Variants in SLC14A2 observed in about 807,000 individuals in gnomAD.
The protein encoded by SLC14A2 is urea transporter 2.
In SLC14A2, 91 loss-of-function variants were observed where a neutral mutation model predicts 104.6. The observed-to-expected ratio is 0.87, with a 90% CI of 0.73 to 1.04. SLC14A2 has a LOEUF of 1.04. SLC14A2 is among the 50% of genes least tolerant of loss of function. The pLI is 0.00. For synonymous variants in SLC14A2, 476 were observed against 466.4 expected (o/e 1.02, Z -0.27); for missense variants, 1,189 against 1,156.0 (o/e 1.03, Z -0.41).
chr18:45,393,949 G>A (rs1348470808), intron 1 of SLC14A2, among the ~76,000 whole-genome samples: 2 of 152,202 alleles, frequency 1.3e-5, no homozygotes, highest in South Asian at 2.1e-4. Context: ...AAGTGATGGA[G>A]ATGGGATCCA....
intron 1 of SLC14A2, among the ~76,000 whole-genome samples, chr18:45,252,755 A>C (rs1028869178): frequency 2.0e-5 from 3 of 149,040 alleles, no homozygotes; most frequent in Non-Finnish European, 4.5e-5. Flanking sequence ...TTCACTTCTA[A>C]TTTTACTTTG....
At chr18:45,565,517 G>T (rs1436042981) in intron 2 of SLC14A2, among the ~76,000 whole-genome samples, 1 of 152,204 alleles carries the variant, frequency 6.6e-6, no homozygotes, top group Non-Finnish European at 1.5e-5. Context: ...GGAAGGGATT[G>T]TCATGAAGTC....
chr18:45,230,565 TC>T (rs1349442675), intron 1 of SLC14A2, among the ~76,000 whole-genome samples: 1 of 152,086 alleles, frequency 6.6e-6, no homozygotes, highest in Non-Finnish European at 1.5e-5. Flanking sequence ...TCCAAAAAAA[TC>T]CCCCCAACTC....
chr18:45,682,865 C>T lies in SLC14A2; in HGVS notation c.*346C>T, dbSNP rs900281221. 24 of 249,868 alleles carry T rather than the reference C, an allele frequency of 9.6e-5. No homozygotes were observed. Among genetic ancestry groups the T allele is most frequent in the African/African-American group, 3.1e-4 (14 of 45,460 alleles). The allele number at this position is 249,868 out of a possible 1,614,324, so 15.5% of individuals were successfully genotyped here. A position where few individuals can be genotyped will look rare whatever the true frequency, so the allele number is the denominator to read the frequency against. ...ATCCCAGCACTTTGGGAGGCCGAGG[C>T]GGGTGGATCACGAGGTCAGGAGATC... On this transcript the variant is annotated 3_prime_UTR_variant, in exon 20 of 20. Transcript: ENST00000255226.
intron 1 of SLC14A2, among the ~76,000 whole-genome samples, chr18:45,471,016 G>C (rs1372093420): frequency 6.6e-6 from 1 of 151,780 alleles, no homozygotes; most frequent in Non-Finnish European, 1.5e-5. Context: ...TAATCCTAAA[G>C]TCATTAACAA....
chr18:45,328,420 C>G (rs2085257251), intron 1 of SLC14A2, among the ~76,000 whole-genome samples: 1 of 152,190 alleles, frequency 6.6e-6, no homozygotes, highest in Non-Finnish European at 1.5e-5. Context: ...AAAGCCAACT[C>G]TGTCACAGCA....
intron 2 of SLC14A2, among the ~76,000 whole-genome samples, chr18:45,601,687 A>G (rs923642571): frequency 6.6e-6 from 1 of 152,268 alleles, no homozygotes; most frequent in African/African-American, 2.4e-5. Context: ...CTAAATGAAC[A>G]TCATTGAGGA....
At chr18:45,278,470 G>C (rs1293960991) in intron 1 of SLC14A2, among the ~76,000 whole-genome samples, 1 of 152,196 alleles carries the variant, frequency 6.6e-6, no homozygotes, top group Non-Finnish European at 1.5e-5. Flanking sequence ...ATCAGATGCA[G>C]TAATTCTCAC....
chr18:45,518,794 G>A (rs1568255194), intron 2 of SLC14A2, among the ~76,000 whole-genome samples: 1 of 152,138 alleles, frequency 6.6e-6, no homozygotes, highest in East Asian at 1.9e-4. Context: ...AGGACCTCAG[G>A]TTTTCTGATA....
At position 45,641,213 on chromosome 18, in the gene SLC14A2, G is replaced by C; in HGVS notation, c.996G>C (p.Leu332=). Residue 332 remains leucine, a synonymous_variant, in exon 8 of 20, where the codon CTG becomes CTC. Coordinates refer to ENST00000255226, the MANE Select transcript of SLC14A2 (RefSeq NM_007163.4). ...ATACCACACCTTGTCCCATAGCCCTGTCAGTGGCCACACCCTTCGAGACCA... is the reference window on the plus strand; with the variant it reads ...ATACCACACCTTGTCCCATAGCCCTCTCAGTGGCCACACCCTTCGAGACCA... ...IGSIVGLLAA[L]SVATPFETIY... The C allele has an allele frequency of 1.2e-6, 2 of 1,613,644 alleles. No homozygotes were observed. Among genetic ancestry groups the C allele is most frequent in the Non-Finnish European group, 1.7e-6 (2 of 1,179,846 alleles).
At chr18:45,260,821 A>T (rs906468651) in intron 1 of SLC14A2, among the ~76,000 whole-genome samples, 2 of 152,078 alleles carry the variant, frequency 1.3e-5, no homozygotes, top group African/African-American at 2.4e-5. Flanking sequence ...GTAACAACAG[A>T]TACTGGGGAC....
intron 1 of SLC14A2, among the ~76,000 whole-genome samples, chr18:45,399,021 A>G (rs1437013629): frequency 1.3e-5 from 2 of 152,210 alleles, no homozygotes; most frequent in Non-Finnish European, 2.9e-5. Context: ...GCCCAAAAAG[A>G]AATAGTATAA....
At chr18:45,551,396 C>A (rs537288702) in intron 2 of SLC14A2, among the ~76,000 whole-genome samples, 3 of 152,212 alleles carry the variant, frequency 2.0e-5, no homozygotes, top group Non-Finnish European at 4.4e-5. Context: ...ATGCTCAAAG[C>A]GCAGAGCTGC....
intron 1 of SLC14A2, among the ~76,000 whole-genome samples, chr18:45,310,063 CTA>C (rs2085063569): frequency 6.6e-6 from 1 of 152,012 alleles, no homozygotes; most frequent in Non-Finnish European, 1.5e-5. Flanking sequence ...TTTCTATGGC[CTA>C]TGTTATTCCT....
chr18:45,214,573 T>C (rs2083990959), intron 1 of SLC14A2, among the ~76,000 whole-genome samples: 1 of 152,186 alleles, frequency 6.6e-6, no homozygotes, highest in African/African-American at 2.4e-5. Flanking sequence ...TGTGACTACA[T>C]TGGTCTTTAT....
intron 1 of SLC14A2, among the ~76,000 whole-genome samples, chr18:45,244,865 T>C (rs1375401570): frequency 1.3e-5 from 2 of 152,216 alleles, no homozygotes. Context: ...CTCACATCTA[T>C]TCATTCATCC....
chr18:45,331,101 A>G (rs1268984671), intron 1 of SLC14A2, among the ~76,000 whole-genome samples: 1 of 152,250 alleles, frequency 6.6e-6, no homozygotes, highest in African/African-American at 2.4e-5. Flanking sequence ...AATTGGAGAC[A>G]TATATGACAC....
intron 1 of SLC14A2, among the ~76,000 whole-genome samples, chr18:45,238,969 A>G (rs1392591405): frequency 6.6e-6 from 1 of 152,238 alleles, no homozygotes; most frequent in African/African-American, 2.4e-5. Flanking sequence ...AAAGAATAAA[A>G]CAAAGACACT....
At chr18:45,306,717 T>C (rs564901045) in intron 1 of SLC14A2, among the ~76,000 whole-genome samples, 1 of 152,296 alleles carries the variant, frequency 6.6e-6, no homozygotes, top group Admixed American at 6.5e-5. Context: ...GTTCCTGCTC[T>C]GCCACTATGT....
Sources: gnomAD v4.1 joint callset for allele counts (sites outside exome capture counted in the v4.1 genomes callset) on GRCh38, gnomAD v4.1.1 for gene constraint, MANE v1.5 for transcripts, NCBI Gene and HGNC (gene_info 2026-07-23, HGNC 2026-07-21) for gene names.